Variants in ZNF24 observed in about 807,000 individuals in gnomAD.
ZNF24 encodes the protein retinoic acid suppression protein A.
A neutral mutation model predicts 40.9 loss-of-function variants in ZNF24; 11 were observed. The ratio of observed to expected loss-of-function variants is 0.27; its 90% CI spans 0.17 to 0.45. The LOEUF is 0.45. Ranked by LOEUF, ZNF24 falls within the 20% of genes least tolerant of loss-of-function variation. The probability of loss-of-function intolerance (pLI) is 1.00; values close to 1 mark genes in which losing one functional copy is unlikely to be tolerated. For synonymous variants in ZNF24, 139 were observed against 154.7 expected, an observed-to-expected ratio of 0.90 and a Z score of 0.75; for missense variants, 293 against 437.7, an observed-to-expected ratio of 0.67 and a Z score of 2.95.
intron 1 of ZNF24, among the ~76,000 whole-genome samples, 178 bp downstream of exon 1, chr18:35,344,182 G>A (rs140219728): frequency 4.7e-4 from 72 of 152,284 alleles, no homozygotes; most frequent in African/African-American, 1.7e-3. Flanking sequence ...ACCCAAGCAG[G>A]CCTGCCGCCT....
In ZNF24 at chr18:35,334,670, T is replaced by C. The variant is rs551338910; in HGVS notation, c.*2562A>G. 3 of 152,294 alleles carry C rather than the reference T, an allele frequency of 2.0e-5. No homozygotes were observed. Among genetic ancestry groups the C allele is most frequent in the East Asian group, 1.9e-4 (1 of 5,176 alleles). 9.4% of individuals were successfully genotyped at this position (152,294 alleles called of 1,614,324 possible). On this transcript the variant is annotated 3_prime_UTR_variant, in exon 4 of 4. Transcript: ENST00000261332. ...GATGCCACTGCTTGGCACTGCCATA[T>C]CACCACTTCATCAGAAGCTAGGCAC...
Position 35,334,066 on chromosome 18 carries a change from A to G in ZNF24, c.*3166T>C, listed in dbSNP as rs184322023. ...GCCTGTCACAGCAACCACAGGTGTC[A>G]GCTGTTAACACATTATTGATTAAAT... On this transcript the variant is annotated 3_prime_UTR_variant, in exon 4 of 4. Transcript: ENST00000261332. The G allele has an allele frequency of 5.3e-5, 8 of 152,330 alleles. No homozygotes were observed. Among genetic ancestry groups the G allele is most frequent in the African/African-American group, 1.9e-4 (8 of 41,576 alleles). The allele number at this position is 152,330 out of a possible 1,614,324, so 9.4% of individuals were successfully genotyped here. A position where few individuals can be genotyped will look rare whatever the true frequency, so the allele number is the denominator to read the frequency against.
Position 35,336,807 on chromosome 18 carries a change from A to T in ZNF24, c.*425T>A, listed in dbSNP as rs2044914968. On this transcript the variant is annotated 3_prime_UTR_variant, in exon 4 of 4. Coordinates refer to ENST00000261332, the MANE Select transcript of ZNF24 (RefSeq NM_006965.4). ...AGGGTAAATTTTTAAAAGATGGTTT[A>T]AAATGGTTTTCAGACTTTGTAATTC... 6.5e-6 allele frequency: 1 copy of T among 153,756 alleles called. No homozygotes were observed. The allele number at this position is 153,756 out of a possible 1,614,324, so 9.5% of individuals were successfully genotyped here. A position where few individuals can be genotyped will look rare whatever the true frequency, so the allele number is the denominator to read the frequency against.
intron 3 of ZNF24, chr18:35,338,726 A>G (rs974710242): frequency 8.5e-7 from 1 of 1,170,896 alleles, no homozygotes. Flanking sequence ...TGAAAAACAG[A>G]GGAGCGTGAA....
chr18:35,339,955 G>A lies in ZNF24; in HGVS notation c.442C>T (p.Arg148Trp), dbSNP rs748116563. 18 of 1,609,300 alleles carry A rather than the reference G, an allele frequency of 1.1e-5. No homozygotes were observed. The highest frequency in any genetic ancestry group is 1.7e-5 in the Admixed American group (1 of 59,822). Residue 148 changes from arginine to tryptophan, a missense_variant, in exon 3 of 4, where the codon CGG (arginine) becomes TGG (tryptophan). Arg to Trp is a moderately radical substitution (Grantham distance 101). This residue lies in a region of ZNF24 where 234 missense variants were observed against 299.2 expected (regional missense o/e 0.78). Coordinates refer to ENST00000261332, the MANE Select transcript of ZNF24 (RefSeq NM_006965.4). Reference protein sequence around the residue: ...GQPVSLRRRKREVLVEDMVSQ... With the variant: ...GQPVSLRRRKWEVLVEDMVSQ... The stretch of plus-strand genomic sequence containing the variant: ...ACCATGTCTTCTACTAGTACTTCCC[G>A]TTTTCGTCGACGGAGAGAAACCTGG...
At chr18:35,338,368 T>C in intron 3 of ZNF24, 4 of 985,362 alleles carry the variant, frequency 4.1e-6, no homozygotes, top group Non-Finnish European at 4.8e-6. Context: ...ATGCCCCTAA[T>C]AAATGAAAGT....
chr18:35,340,408 G>A lies in ZNF24; in HGVS notation c.243C>T (p.Leu81=). The change falls in exon 2 of 4, where the codon CTC becomes CTT. Residue 81 remains leucine, a synonymous_variant. Transcript: ENST00000261332. This position sits in a 1 kb window ranked among gnomAD's most constrained non-coding sequence, Gnocchi z 4.6. ...GTTCTTTTGTGTGCGTCTCTGGCCT[G>A]AGCCACAGACGGCAAAGTTCTCGGA... The part of the protein sequence containing the change: ...SQLRELCRLW[L]RPETHTKEQI... The A allele has an allele frequency of 6.2e-7, 1 of 1,614,234 alleles. No individual in the cohort carries two copies. The highest frequency in any genetic ancestry group is 1.3e-5 in the African/African-American group (1 of 75,056).
Position 35,340,982 on chromosome 18 carries a change from G to C in ZNF24, c.-83-249C>G, listed in dbSNP as rs2044963794. Among the ~76,000 whole-genome samples the C allele has an allele frequency of 6.6e-6, 1 of 152,150 alleles. No homozygotes were observed. The highest frequency in any genetic ancestry group is 1.5e-5 in the Non-Finnish European group (1 of 68,024). ...GGTCTTCATCACAGTGCCTTACGGA[G>C]CGGAGATCCCTAAAATCAAATGAAT... On this transcript the variant is annotated intron_variant, in intron 1 of 3. Coordinates refer to ENST00000261332, the MANE Select transcript of ZNF24 (RefSeq NM_006965.4). This position sits in a 1 kb window ranked among gnomAD's most constrained non-coding sequence, Gnocchi z 4.6.
rs1275145099 is a variant in ZNF24 at position 35,340,114 on chromosome 18, G to A, written c.420+117C>T. 1 of 1,488,222 alleles carries A rather than the reference G, an allele frequency of 6.7e-7. No individual in the cohort carries two copies. The highest frequency in any genetic ancestry group is 9.1e-7 in the Non-Finnish European group (1 of 1,094,264). 92.2% of individuals were successfully genotyped at this position (1,488,222 alleles called of 1,614,324 possible). The stretch of plus-strand genomic sequence containing the variant: ...GCACAGATAACAAGGAGTGGTAGGG[G>A]AATGGGGGAAAAGGCATAAACATAA... On this transcript the variant is annotated intron_variant, in intron 2 of 3. Transcript: ENST00000261332. The surrounding 1 kb of genome is among the most constrained non-coding windows in gnomAD (Gnocchi z 4.6).
chr18:35,338,998 A>G, intron 3 of ZNF24: 1 of 1,534,868 alleles, frequency 6.5e-7, no homozygotes, highest in Non-Finnish European at 8.7e-7. Flanking sequence ...CTGTCCCCTC[A>G]GATGTGAAGA....
chr18:35,340,275 C>T lies in ZNF24; in HGVS notation c.376G>A (p.Val126Met). Residue 126 changes from valine to methionine, a missense_variant, in exon 2 of 4, where the codon GTG becomes ATG. Coordinates refer to ENST00000261332, the MANE Select transcript of ZNF24 (RefSeq NM_006965.4). The surrounding 1 kb of genome is among the most constrained non-coding windows in gnomAD (Gnocchi z 4.6). ...HPENGEEAVT[V>M]LEDLESELDD... ...AGTTCACTCTCCAAATCCTCCAGCA[C>T]TGTCACTGCCTCCTCTCCATTCTCT... The T allele has an allele frequency of 6.2e-7, 1 of 1,614,236 alleles. No homozygotes were observed. The highest frequency in any genetic ancestry group is 8.5e-7 in the Non-Finnish European group (1 of 1,180,024).
rs1272147970 is a variant in ZNF24, at chr18:35,340,014, A to G, written c.421-38T>C. ...AGATTTGATTCAGAGAAGGAACTGT[A>G]ATGAGAATCAGAACTAAAAACACGT... On this transcript the variant is annotated intron_variant, in intron 2 of 3. Coordinates refer to ENST00000261332, the MANE Select transcript of ZNF24 (RefSeq NM_006965.4). This position sits in a 1 kb window ranked among gnomAD's most constrained non-coding sequence, Gnocchi z 4.6. The G allele has an allele frequency of 6.3e-7, 1 of 1,587,444 alleles. No individual in the cohort carries two copies. Among genetic ancestry groups the G allele is most frequent in the Non-Finnish European group, 8.6e-7 (1 of 1,161,480 alleles).
chr18:35,335,280 CAA>C lies in ZNF24; in HGVS notation c.*1950_*1951del, dbSNP rs1187725159. 6.6e-6 allele frequency: 1 copy of C among 152,124 alleles called. No individual in the cohort carries two copies. Among genetic ancestry groups the C allele is most frequent in the Non-Finnish European group, 1.5e-5 (1 of 68,010 alleles). 9.4% of individuals were successfully genotyped at this position (152,124 alleles called of 1,614,324 possible). A position where few individuals can be genotyped will look rare whatever the true frequency, so the allele number is the denominator to read the frequency against. ...ACACTGACTTGTTTCCCCTCAGCCA[CAA>C]AGAGAAAAAGACCCAAACAAAAGTC... is the stretch of plus-strand genomic sequence containing the variant. On this transcript the variant is annotated 3_prime_UTR_variant, in exon 4 of 4. Coordinates refer to ENST00000261332, the MANE Select transcript of ZNF24 (RefSeq NM_006965.4).
At position 35,340,178 on chromosome 18, in the gene ZNF24, C is replaced by T; in HGVS notation, c.420+53G>A. On this transcript the variant is annotated intron_variant, in intron 2 of 3. Coordinates refer to ENST00000261332, the MANE Select transcript of ZNF24 (RefSeq NM_006965.4). This position sits in a 1 kb window ranked among gnomAD's most constrained non-coding sequence, Gnocchi z 4.6. ...GAGTGGAATTAATTCAGCAGCTTTG[C>T]CTACTACCTATGCCAGTGCTTCTGA... 1 of 1,577,010 alleles carries T rather than the reference C, an allele frequency of 6.3e-7. No homozygotes were observed. Among genetic ancestry groups the T allele is most frequent in the Non-Finnish European group, 8.6e-7 (1 of 1,156,460 alleles).
rs1396606569 is a variant in ZNF24 at position 35,340,690 on chromosome 18, A to G, written c.-40T>C. ...TTTCAAGAAAAGACAACTGAGGCAGAATATAAGCCTCAGGGCAATACCCCG... is the reference window on the plus strand; with the variant it reads ...TTTCAAGAAAAGACAACTGAGGCAGGATATAAGCCTCAGGGCAATACCCCG... On this transcript the variant is annotated 5_prime_UTR_variant, in exon 2 of 4. Coordinates refer to ENST00000261332, the MANE Select transcript of ZNF24 (RefSeq NM_006965.4). This position sits in a 1 kb window ranked among gnomAD's most constrained non-coding sequence, Gnocchi z 4.6. 6.3e-7 allele frequency: 1 copy of G among 1,583,556 alleles called. No individual in the cohort carries two copies. Among genetic ancestry groups the G allele is most frequent in the South Asian group, 1.1e-5 (1 of 87,952 alleles).
At position 35,332,826 on chromosome 18, in the gene ZNF24, T is replaced by C. The variant is rs938037221; in HGVS notation, c.*4406A>G. The C allele has an allele frequency of 1.3e-5, 2 of 152,306 alleles. No homozygotes were observed. The highest frequency in any genetic ancestry group is 2.9e-5 in the Non-Finnish European group (2 of 67,982). The allele number at this position is 152,306 out of a possible 1,614,324, so 9.4% of individuals were successfully genotyped here. On this transcript the variant is annotated 3_prime_UTR_variant, in exon 4 of 4. Transcript: ENST00000261332. Reference sequence around the variant, plus strand: ...AACAATATATCCACACATAACCCAATAGAAAGCAGGTAAGGGATACAAACA... The same window carrying C: ...AACAATATATCCACACATAACCCAACAGAAAGCAGGTAAGGGATACAAACA...
intron 3 of ZNF24, chr18:35,338,929 T>C (rs1396674376): frequency 1.3e-6 from 2 of 1,483,020 alleles, no homozygotes; most frequent in Non-Finnish European, 8.9e-7. Context: ...CCATGAAACA[T>C]GTAAAACTGC....
chr18:35,344,038 T>A (rs1463789773), intron 1 of ZNF24: 4 of 150,228 alleles, frequency 2.7e-5, no homozygotes, highest in African/African-American at 9.8e-5. Flanking sequence ...TACCACCCCC[T>A]CCCATCACGA....
intron 3 of ZNF24, chr18:35,338,941 G>A: frequency 6.7e-7 from 1 of 1,486,092 alleles, no homozygotes; most frequent in Non-Finnish European, 8.9e-7. Context: ...TAAAACTGCA[G>A]ATTTTCAGCA....
Sources: gnomAD v4.1 joint callset for allele counts (sites outside exome capture counted in the v4.1 genomes callset) on GRCh38, gnomAD v4.1.1 for gene constraint, gnomAD v4.1.1 regional missense constraint, Gnocchi (gnomAD v3.1) non-coding constraint, MANE v1.5 for transcripts, NCBI Gene and HGNC (gene_info 2026-07-23, HGNC 2026-07-21) for gene names.